Variants in RXFP2 observed in about 807,000 individuals in gnomAD.
The protein encoded by RXFP2 is relaxin receptor 2.
In RXFP2, 68 loss-of-function variants were observed where a neutral mutation model predicts 88.6. The ratio of observed to expected loss-of-function variants is 0.77; its 90% CI spans 0.63 to 0.94. RXFP2 has a LOEUF of 0.94. RXFP2 is among the 40% of genes least tolerant of loss of function. The pLI is 0.00. For missense variants in RXFP2, 791 were observed against 893.9 expected (o/e 0.88, Z 1.47); for synonymous variants, 329 against 306.8 (o/e 1.07, Z -0.76).
Position 31,765,932 on chromosome 13 carries a change from A to C in RXFP2, c.426-24A>C. 4 of 1,200,862 alleles carry C rather than the reference A, an allele frequency of 3.3e-6. No homozygotes were observed. In the South Asian group the frequency reaches 3.8e-5, roughly 11 times the overall value. 74.4% of individuals were successfully genotyped at this position (1,200,862 alleles called of 1,614,324 possible). On this transcript the variant is annotated intron_variant, in intron 4 of 17. Coordinates refer to ENST00000298386, the MANE Select transcript of RXFP2 (RefSeq NM_130806.5). The stretch of plus-strand genomic sequence containing the variant: ...GGTTGGCCATAACAATCCATAATGA[A>C]GTTTGCTTTACATGTTATTTTAGGT...
chr13:31,796,738 A>T (rs185727589), intron 16 of RXFP2, among the ~76,000 whole-genome samples: 6 of 152,354 alleles, frequency 3.9e-5, no homozygotes, highest in Middle Eastern at 3.4e-3. Context: ...ATATAAAAGA[A>T]TGCTTCCTGG....
intron 16 of RXFP2, among the ~76,000 whole-genome samples, chr13:31,794,786 A>G (rs1385301122): frequency 6.6e-6 from 1 of 152,158 alleles, no homozygotes; most frequent in Non-Finnish European, 1.5e-5. Context: ...GGTAAGATGA[A>G]GGACTGAAGA....
At chr13:31,793,109 T>C (rs758154550) in intron 16 of RXFP2, 21 bp downstream of exon 16, 11 of 1,587,044 alleles carry the variant, frequency 6.9e-6, no homozygotes, top group Admixed American at 1.7e-5. Flanking sequence ...TTTTTTCATT[T>C]CCTGGAAAAA....
At position 31,802,618 on chromosome 13, in the gene RXFP2, C is replaced by G; in HGVS notation, c.*213C>G. ...GCACCAAAGGTTCCTCTCCTCACCC[C>G]ACATGCCTGAAAAGCACATGTGAAT... is the stretch of plus-strand genomic sequence containing the variant. On this transcript the variant is annotated 3_prime_UTR_variant, in exon 18 of 18. Transcript: ENST00000298386. The G allele has an allele frequency of 1.7e-6, 1 of 582,900 alleles. No homozygotes were observed. The highest frequency in any genetic ancestry group is 1.9e-5 in the South Asian group (1 of 53,678). The allele number at this position is 582,900 out of a possible 1,614,324, so 36.1% of individuals were successfully genotyped here.
At chr13:31,780,157 G>A (rs1235307937) in intron 9 of RXFP2, among the ~76,000 whole-genome samples, 1 of 152,084 alleles carries the variant, frequency 6.6e-6, no homozygotes, top group African/African-American at 2.4e-5. Context: ...TTTCACAATG[G>A]GCTCACACAA....
At position 31,760,628 on chromosome 13, in the gene RXFP2, A is replaced by C. The variant is rs369242852; in HGVS notation, c.242-1096A>C. Among the ~76,000 whole-genome samples the C allele has an allele frequency of 1.5e-3, 223 of 152,358 alleles. 4 individuals are homozygous for C. The South Asian group carries it at 0.026, about 18-fold the overall frequency. ...GAGGATTTCTGAACCCAAATTAAAT[A>C]ATGCAAGTGAGGGAGCATCATAGTA... On this transcript the variant is annotated intron_variant, in intron 2 of 17. Transcript: ENST00000298386.
Position 31,802,355 on chromosome 13 carries a change from G to A in RXFP2, c.2215G>A (p.Val739Ile). The change falls in exon 18 of 18, where the codon GTT becomes ATT. Residue 739 changes from valine (V) to isoleucine (I), a missense_variant. Val to Ile is a conservative substitution (Grantham distance 29, BLOSUM62 3). Transcript: ENST00000298386. Reference sequence around the variant, plus strand: ...GGACTCCTCTTCCCTGAAACTTGGGGTTTTGAACAAAATAACACTTGGAGA... The same window carrying A: ...GGACTCCTCTTCCCTGAAACTTGGGATTTTGAACAAAATAACACTTGGAGA... ...IEDSSSLKLG[V>I]LNKITLGDSI... is the part of the protein sequence containing the mutation. 1.2e-6 allele frequency: 2 copies of A among 1,614,070 alleles called. No homozygotes were observed. The highest frequency in any genetic ancestry group is 1.7e-6 in the Non-Finnish European group (2 of 1,179,964).
In RXFP2 at chr13:31,761,779, C is replaced by T. The variant is rs148840796; in HGVS notation, c.297C>T (p.Ser99=). ...IFGTVHGNAN[S]VALTQECFLK... ...GCACAGTGCATGGAAATGCTAACAG[C>T]GTGGCCTTAACACAGGAGTGCTGTA... The change falls in exon 3 of 18, where the codon AGC becomes AGT. Residue 99 remains serine, a synonymous_variant. Transcript: ENST00000298386. 1.1e-4 allele frequency: 183 copies of T among 1,612,212 alleles called. 1 individual carries two copies. The African/African-American group carries it at 1.8e-3, about 16-fold the overall frequency.
At chr13:31,762,682 G>A (rs1872355804) in intron 3 of RXFP2, among the ~76,000 whole-genome samples, 1 of 151,980 alleles carries the variant, frequency 6.6e-6, no homozygotes, top group African/African-American at 2.4e-5. Context: ...TACACTGATA[G>A]TATTTTATGT....
chr13:31,755,159 G>A (rs1026529158), intron 1 of RXFP2, among the ~76,000 whole-genome samples: 3 of 152,126 alleles, frequency 2.0e-5, no homozygotes, highest in African/African-American at 7.2e-5. Context: ...GCTAGTGAGT[G>A]GCAGAGAGAA....
At chr13:31,745,178 A>T (rs1405608576) in intron 1 of RXFP2, among the ~76,000 whole-genome samples, 1 of 152,008 alleles carries the variant, frequency 6.6e-6, no homozygotes, top group Non-Finnish European at 1.5e-5. Context: ...TAAAAAAAAA[A>T]AAAGCTCTAT....
At chr13:31,770,092 T>C (rs1033892712) in intron 5 of RXFP2, among the ~76,000 whole-genome samples, 1 of 152,228 alleles carries the variant, frequency 6.6e-6, no homozygotes, top group Admixed American at 6.5e-5. Flanking sequence ...CATGTAACAA[T>C]GTTTATCACA....
chr13:31,793,130 C>A, intron 16 of RXFP2, 42 bp downstream of exon 16: 3 of 1,516,102 alleles, frequency 2.0e-6, no homozygotes, highest in Non-Finnish European at 2.7e-6. Context: ...CATAATTTTG[C>A]TAGAAATACG....
chr13:31,780,012 T>C (rs1873191055), intron 9 of RXFP2, among the ~76,000 whole-genome samples: 2 of 152,000 alleles, frequency 1.3e-5, no homozygotes, highest in Admixed American at 6.5e-5. Context: ...ATATACACAA[T>C]GGGAAACACA....
rs1051513485 is a variant in RXFP2, at chr13:31,756,252, C to T, written c.95-2006C>T. On this transcript the variant is annotated intron_variant, in intron 1 of 17. Coordinates refer to ENST00000298386, the MANE Select transcript of RXFP2 (RefSeq NM_130806.5). Reference sequence around the variant, plus strand: ...GCATTTGCTTGAAGGGCTCAGGCCTCACAAGAGCATTTTCCCAAGAACCAA... The same window carrying T: ...GCATTTGCTTGAAGGGCTCAGGCCTTACAAGAGCATTTTCCCAAGAACCAA... Among the ~76,000 whole-genome samples the T allele has an allele frequency of 2.0e-5, 3 of 152,198 alleles. No homozygotes were observed. The East Asian group carries it at 5.8e-4, about 29-fold the overall frequency.
intron 17 of RXFP2, among the ~76,000 whole-genome samples, chr13:31,799,670 C>T (rs1434969256): frequency 1.3e-5 from 2 of 152,178 alleles, no homozygotes; most frequent in Non-Finnish European, 2.9e-5. Flanking sequence ...ACCATCTCAC[C>T]TCACCTCAAT....
chr13:31,744,577 C>T (rs1012498808), intron 1 of RXFP2, among the ~76,000 whole-genome samples: 3 of 152,160 alleles, frequency 2.0e-5, no homozygotes, highest in Non-Finnish European at 4.4e-5. Flanking sequence ...ATATTATTCT[C>T]GAGTGGCATA....
chr13:31,761,017 T>C (rs928512798), intron 2 of RXFP2, among the ~76,000 whole-genome samples: 4 of 152,160 alleles, frequency 2.6e-5, no homozygotes, highest in Non-Finnish European at 5.9e-5. Flanking sequence ...TGTGGTGCCA[T>C]GATCATGGTT....
At chr13:31,783,150 A>T (rs563693864) in intron 11 of RXFP2, among the ~76,000 whole-genome samples, 127 of 152,346 alleles carry the variant, frequency 8.3e-4, no homozygotes, top group Non-Finnish European at 1.4e-3. Context: ...ACAAAGGAAC[A>T]AATATGCTTA....
Sources: allele counts gnomAD v4.1 joint callset (sites outside exome capture counted in the v4.1 genomes callset), GRCh38; gene constraint gnomAD v4.1.1; transcripts MANE v1.5; gene names NCBI Gene and HGNC (gene_info 2026-07-23, HGNC 2026-07-21).